GATB: variants seen among roughly 807,000 people sequenced by gnomAD.
The protein encoded by GATB is glutamyl-tRNA amidotransferase subunit B, also known as glutamyl-tRNA(Gln) amidotransferase subunit B, mitochondrial.
Under a neutral mutation model 62.3 loss-of-function variants are expected in GATB, and 39 were observed. The observed-to-expected ratio is 0.63, with a 90% confidence interval of 0.48 to 0.82. GATB has a LOEUF of 0.82. GATB is among the 40% of genes least tolerant of loss of function. The probability of loss-of-function intolerance (pLI) is 0.00; values close to 1 mark genes in which losing one functional copy is unlikely to be tolerated. For missense variants in GATB, 670 were observed against 684.0 expected (o/e 0.98, Z 0.23); for synonymous variants, 276 against 258.9 (o/e 1.07, Z -0.63).
chr4:151,681,151 T>C (rs1229374806), intron 10 of GATB, among the ~76,000 whole-genome samples: 1 of 152,246 alleles, frequency 6.6e-6, no homozygotes, highest in Non-Finnish European at 1.5e-5. Flanking sequence ...GCTTAGTCCC[T>C]ATGCCGATTT....
chr4:151,705,376 A>C, intron 6 of GATB, 107 bp from the exon 7 acceptor site: 1 of 671,720 alleles, frequency 1.5e-6, no homozygotes, highest in East Asian at 2.7e-5. Flanking sequence ...AAAAAAAAAA[A>C]ATCAAGAAGA....
chr4:151,673,252 TGGCG>T (rs1181782006), intron 11 of GATB: 4 of 148,284 alleles, frequency 2.7e-5, no homozygotes, highest in Non-Finnish European at 5.5e-5. Flanking sequence ...TGACTCCACA[TGGCG>T]GGGGGGGGCC....
chr4:151,680,821 TC>T (rs1738124102), intron 10 of GATB, among the ~76,000 whole-genome samples: 1 of 152,184 alleles, frequency 6.6e-6, no homozygotes, highest in Non-Finnish European at 1.5e-5. Context: ...TCTGAAATGC[TC>T]CAGTGAGCAT....
intron 3 of GATB, chr4:151,717,380 T>C (rs1398891190): frequency 3.1e-6 from 1 of 323,556 alleles, no homozygotes; most frequent in African/African-American, 2.2e-5. Flanking sequence ...AACAATAATG[T>C]CATTGTCAGG....
intron 5 of GATB, among the ~76,000 whole-genome samples, chr4:151,710,040 G>C (rs1232130380): frequency 6.6e-6 from 1 of 152,136 alleles, no homozygotes; most frequent in African/African-American, 2.4e-5. Flanking sequence ...GGACTCACTT[G>C]AGTGTTACCG....
At position 151,688,776 on chromosome 4, in the gene GATB, A is replaced by G. The variant is rs200642263; in HGVS notation, c.1198-13T>C. The G allele has an allele frequency of 3.2e-6, 5 of 1,570,618 alleles. No individual in the cohort carries two copies. The highest frequency in any genetic ancestry group is 4.5e-5 in the East Asian group (2 of 44,558). The stretch of plus-strand genomic sequence containing the variant: ...GGCCGACTTCGTTCTGTTAAAAAAA[A>G]AAAAAGAAAATTACATAAAGCCTCC... On this transcript the variant is annotated splice_polypyrimidine_tract_variant and intron_variant, in intron 9 of 12. Transcript: ENST00000263985.
intron 2 of GATB, among the ~76,000 whole-genome samples, chr4:151,742,829 C>A (rs940021083): frequency 6.6e-6 from 1 of 152,194 alleles, no homozygotes; most frequent in African/African-American, 2.4e-5. Flanking sequence ...GAATCATCTA[C>A]TGCCAGCCAG....
intron 9 of GATB, among the ~76,000 whole-genome samples, chr4:151,700,124 TG>T (rs1267233387): frequency 6.6e-6 from 1 of 152,208 alleles, no homozygotes; most frequent in Non-Finnish European, 1.5e-5. Flanking sequence ...ATACATGAAT[TG>T]TAAGAGGCTT....
intron 7 of GATB, among the ~76,000 whole-genome samples, chr4:151,704,825 T>C (rs1386121021): frequency 6.6e-6 from 1 of 151,858 alleles, no homozygotes; most frequent in Admixed American, 6.6e-5. Flanking sequence ...CTCAGCTCAC[T>C]GCAAGCGCCG....
At chr4:151,723,877 G>T (rs553334963) in intron 2 of GATB, 1 of 152,340 alleles carries the variant, frequency 6.6e-6, no homozygotes, top group East Asian at 1.9e-4. Context: ...CAAATTTTAT[G>T]ACTAGTAGAG....
intron 11 of GATB, chr4:151,674,624 A>G (rs1737956958): frequency 6.6e-6 from 1 of 152,194 alleles, no homozygotes; most frequent in African/African-American, 2.4e-5. Context: ...CATAACGTAT[A>G]TTCAGTTTGT....
chr4:151,752,920 T>C (rs951848877), intron 2 of GATB, among the ~76,000 whole-genome samples: 1 of 152,182 alleles, frequency 6.6e-6, no homozygotes, highest in Admixed American at 6.5e-5. Flanking sequence ...TGTAAAGCAA[T>C]CAGGTGGCCA....
At chr4:151,748,303 T>C (rs1189841618) in intron 2 of GATB, among the ~76,000 whole-genome samples, 6 of 152,152 alleles carry the variant, frequency 3.9e-5, no homozygotes. Context: ...ATGGTACTGG[T>C]ACCAAAACAG....
At chr4:151,721,802 AT>A (rs934184588) in intron 2 of GATB, 44 of 175,652 alleles carry the variant, frequency 2.5e-4, no homozygotes, top group African/African-American at 8.0e-4. Context: ...TTGTTTGTTT[AT>A]TTTCAAGCAC....
At position 151,673,254 on chromosome 4, in the gene GATB, G is replaced by GT. The variant is rs1560838262; in HGVS notation, c.1411-359_1411-358insA. 2.1e-3 allele frequency: 357 copies of GT among 169,702 alleles called. 7 individuals carry two copies. In the East Asian group the frequency reaches 0.049, roughly 23 times the overall value. The allele number at this position is 169,702 out of a possible 1,614,324, so 10.5% of individuals were successfully genotyped here. Reference sequence around the variant, plus strand: ...AGTCCTGCCCGGCTGACTCCACATGGCGGGGGGGGGCCGCGGGAGGCGTGG... The same window carrying GT: ...AGTCCTGCCCGGCTGACTCCACATGGTCGGGGGGGGGCCGCGGGAGGCGTGG... On this transcript the variant is annotated intron_variant, in intron 11 of 12. Coordinates refer to ENST00000263985, the MANE Select transcript of GATB (RefSeq NM_004564.3).
intron 11 of GATB, chr4:151,673,625 T>C (rs1437639006): frequency 6.6e-6 from 1 of 152,208 alleles, no homozygotes. Context: ...GGGGCATTTT[T>C]TTTTTACTTA....
intron 9 of GATB, among the ~76,000 whole-genome samples, chr4:151,690,941 G>A (rs1360246773): frequency 6.6e-6 from 1 of 152,212 alleles, no homozygotes; most frequent in Non-Finnish European, 1.5e-5. Flanking sequence ...AATAAAAGCT[G>A]CACATGGGCT....
chr4:151,700,879 T>C (rs1738588698), intron 9 of GATB, among the ~76,000 whole-genome samples: 1 of 152,208 alleles, frequency 6.6e-6, no homozygotes, highest in Non-Finnish European at 1.5e-5. Context: ...GGAATAAATG[T>C]TTTCTTCTGA....
chr4:151,728,900 A>T (rs1162970705), intron 2 of GATB, among the ~76,000 whole-genome samples: 1 of 152,214 alleles, frequency 6.6e-6, no homozygotes, highest in African/African-American at 2.4e-5. Flanking sequence ...TGATATGAAT[A>T]CAGGATCAGG....
Sources: allele counts gnomAD v4.1 joint callset (sites outside exome capture counted in the v4.1 genomes callset), GRCh38; gene constraint gnomAD v4.1.1; transcripts MANE v1.5; gene names NCBI Gene and HGNC (gene_info 2026-07-23, HGNC 2026-07-21).